Variants in RNF43 observed in about 807,000 individuals in gnomAD.
RNF43 encodes ring finger protein 43.
In RNF43, 37 loss-of-function variants were observed where a neutral mutation model predicts 78.4. That is an observed-to-expected ratio of 0.47 (90% CI 0.36 to 0.62). The LOEUF (loss-of-function observed/expected upper bound fraction) is 0.62, where lower values mean the gene tolerates loss of function less well. Ranked by LOEUF, RNF43 falls within the 20% of genes least tolerant of loss-of-function variation. The pLI, the probability that RNF43 is intolerant of heterozygous loss-of-function variation, is 0.00. For synonymous variants in RNF43, 347 were observed against 395.0 expected, an observed-to-expected ratio of 0.88 and a Z score of 1.44; for missense variants, 774 against 1,007.9, an observed-to-expected ratio of 0.77 and a Z score of 3.14.
intron 1 of RNF43, 152 bp downstream of exon 1, chr17:58,416,865 G>A (rs1353070212): frequency 6.6e-6 from 1 of 152,166 alleles, no homozygotes; most frequent in Non-Finnish European, 1.5e-5. Context: ...AAAGCCCTCT[G>A]TGTTCCAAGG....
In RNF43 at chr17:58,358,575, C is replaced by G. The variant is rs990372544; in HGVS notation, c.1201G>C (p.Glu401Gln). 3.1e-6 allele frequency: 5 copies of G among 1,600,592 alleles called. No homozygotes were observed. In the South Asian group the frequency reaches 4.5e-5, roughly 14 times the overall value. ...TGGGCTCCTGCCAGGCGCTGCTGCT[C>G]TCCTGGAGCCCGGGGATGTGCAGCT... Reference protein sequence around the residue: ...PRAAHPRAPGEQQRLAGAQHP... With the variant: ...PRAAHPRAPGQQQRLAGAQHP... The change falls in exon 9 of 10, where the codon GAG becomes CAG. Residue 401 changes from glutamate (E) to glutamine (Q), a missense_variant. Glu to Gln is a conservative substitution (Grantham distance 29). Transcript: ENST00000407977. The surrounding 1 kb of genome is among the most constrained non-coding windows in gnomAD (Gnocchi z 6.2).
chr17:58,389,077 G>C (rs1973493616), intron 2 of RNF43, among the ~76,000 whole-genome samples: 2 of 152,172 alleles, frequency 1.3e-5, no homozygotes, highest in Non-Finnish European at 2.9e-5. Context: ...TGTAAGCAGA[G>C]CAATTTAATA....
chr17:58,415,027 A>C (rs1974094783), intron 2 of RNF43, among the ~76,000 whole-genome samples: 1 of 152,184 alleles, frequency 6.6e-6, no homozygotes, highest in Admixed American at 6.5e-5. Flanking sequence ...ATCTATCAAA[A>C]ATTAGTGCCC....
intron 5 of RNF43, 25 bp from the exon 6 acceptor site, chr17:58,362,673 G>C (rs1227024969): frequency 6.4e-7 from 1 of 1,567,748 alleles, no homozygotes; most frequent in Non-Finnish European, 8.7e-7. Context: ...GAGAGGGAAA[G>C]GGTCATACTT....
chr17:58,375,201 G>A (rs1369139646), intron 2 of RNF43, among the ~76,000 whole-genome samples: 2 of 152,104 alleles, frequency 1.3e-5, no homozygotes, highest in Non-Finnish European at 2.9e-5. Context: ...CAGCCAAAGT[G>A]GTCTAAAATG....
chr17:58,374,218 TA>T (rs796300203), intron 2 of RNF43, among the ~76,000 whole-genome samples: 2 of 151,916 alleles, frequency 1.3e-5, no homozygotes, highest in East Asian at 1.9e-4. Flanking sequence ...AGTAGTAGGA[TA>T]AGGTTAAAAA....
At chr17:58,391,203 G>A (rs1882474836) in intron 2 of RNF43, among the ~76,000 whole-genome samples, 1 of 152,202 alleles carries the variant, frequency 6.6e-6, no homozygotes, top group Non-Finnish European at 1.5e-5. Flanking sequence ...AATAAAAAGG[G>A]TGAGGGATGA....
chr17:58,354,077 T>C lies in RNF43; in HGVS notation c.*866A>G, dbSNP rs1287727861. On this transcript the variant is annotated 3_prime_UTR_variant, in exon 10 of 10. Coordinates refer to ENST00000407977, the MANE Select transcript of RNF43 (RefSeq NM_017763.6). ...TTGCTTTTCCTTTGTTGTCCCCATT[T>C]TCCATCCTTGCTCTAAGACAAAACT... The C allele has an allele frequency of 1.0e-5, 2 of 195,224 alleles. No homozygotes were observed. Among genetic ancestry groups the C allele is most frequent in the African/African-American group, 2.3e-5 (1 of 43,210 alleles). The allele number at this position is 195,224 out of a possible 1,614,324, so 12.1% of individuals were successfully genotyped here. A position where few individuals can be genotyped will look rare whatever the true frequency, so the allele number is the denominator to read the frequency against.
At chr17:58,406,755 CTT>C (rs1213791214) in intron 2 of RNF43, among the ~76,000 whole-genome samples, 1 of 144,102 alleles carries the variant, frequency 6.9e-6, no homozygotes, top group Non-Finnish European at 1.5e-5. Context: ...GAAATCTATA[CTT>C]TTTTTTTTTT....
rs780871113 is a variant in RNF43, at chr17:58,375,177, C to T, written c.253-4144G>A. On this transcript the variant is annotated intron_variant, in intron 2 of 9. Transcript: ENST00000407977. ...CTCCCTAGGGTCACTTCATCCCATTCGTTCTCTATATTGCAGCCAAAGTGG... is the reference window on the plus strand; with the variant it reads ...CTCCCTAGGGTCACTTCATCCCATTTGTTCTCTATATTGCAGCCAAAGTGG... Among the ~76,000 whole-genome samples, 19 of 152,176 alleles carry T rather than the reference C, an allele frequency of 1.2e-4. 1 individual carries two copies. The highest frequency in any genetic ancestry group is 2.5e-4 in the Non-Finnish European group (17 of 68,030).
At chr17:58,359,472 CGG>C in intron 8 of RNF43, among the ~76,000 whole-genome samples, 1 of 151,480 alleles carries the variant, frequency 6.6e-6, no homozygotes, top group East Asian at 1.9e-4. Flanking sequence ...GGCATGGTGG[CGG>C]GCGCCTATAG....
Position 58,354,747 on chromosome 17 carries a change from A to C in RNF43, c.*196T>G, listed in dbSNP as rs1972648007. 6.6e-6 allele frequency: 4 copies of C among 605,876 alleles called. No individual in the cohort carries two copies. Among genetic ancestry groups the C allele is most frequent in the Non-Finnish European group, 1.2e-5 (4 of 333,502 alleles). 37.5% of individuals were successfully genotyped at this position (605,876 alleles called of 1,614,324 possible). A position where few individuals can be genotyped will look rare whatever the true frequency, so the allele number is the denominator to read the frequency against. On this transcript the variant is annotated 3_prime_UTR_variant, in exon 10 of 10. Coordinates refer to ENST00000407977, the MANE Select transcript of RNF43 (RefSeq NM_017763.6). ...GCACTGCAGATGTTTTCTGCAGACAAGGTCTGGAGCTGGAGCAGGAAACGG... is the reference window on the plus strand; with the variant it reads ...GCACTGCAGATGTTTTCTGCAGACACGGTCTGGAGCTGGAGCAGGAAACGG...
At chr17:58,362,517 C>A (rs757590268) in intron 6 of RNF43, 27 bp downstream of exon 6, 1 of 1,565,302 alleles carries the variant, frequency 6.4e-7, no homozygotes, top group Non-Finnish European at 8.7e-7. Context: ...ACACGTTCAC[C>A]GCCGCCAAAG....
At chr17:58,396,309 A>AT (rs1287758156) in intron 2 of RNF43, among the ~76,000 whole-genome samples, 1 of 152,212 alleles carries the variant, frequency 6.6e-6, no homozygotes, top group Non-Finnish European at 1.5e-5. Flanking sequence ...CACCATGTAG[A>AT]TTAAAATTCT....
At chr17:58,398,093 A>G (rs1973722676) in intron 2 of RNF43, among the ~76,000 whole-genome samples, 1 of 152,154 alleles carries the variant, frequency 6.6e-6, no homozygotes, top group African/African-American at 2.4e-5. Context: ...ACTTGGCTCA[A>G]ATAAGCTCTC....
intron 9 of RNF43, among the ~76,000 whole-genome samples, chr17:58,355,476 G>A (rs1256083088): frequency 6.6e-6 from 1 of 152,206 alleles, no homozygotes; most frequent in Non-Finnish European, 1.5e-5. Flanking sequence ...GATTCTGTAG[G>A]AATAGGTAAG....
At chr17:58,381,080 C>T (rs968707637) in intron 2 of RNF43, among the ~76,000 whole-genome samples, 3 of 152,214 alleles carry the variant, frequency 2.0e-5, no homozygotes, top group Admixed American at 6.5e-5. Context: ...ATTGTATTTA[C>T]ATTGCAAAGT....
chr17:58,388,160 G>A (rs1200772060), intron 2 of RNF43, among the ~76,000 whole-genome samples: 1 of 152,152 alleles, frequency 6.6e-6, no homozygotes, highest in Non-Finnish European at 1.5e-5. Context: ...CCATACTTTT[G>A]TTTTTAGGCA....
chr17:58,405,758 G>GAA (rs1276802910), intron 2 of RNF43, among the ~76,000 whole-genome samples: 14 of 147,278 alleles, frequency 9.5e-5, no homozygotes, highest in Non-Finnish European at 1.5e-5. Flanking sequence ...AAGAAAGAAA[G>GAA]AAAGAAAAAG....
Sources: allele counts gnomAD v4.1 joint callset (sites outside exome capture counted in the v4.1 genomes callset), GRCh38; gene constraint gnomAD v4.1.1; non-coding constraint Gnocchi (gnomAD v3.1); transcripts MANE v1.5; gene names NCBI Gene and HGNC (gene_info 2026-07-23, HGNC 2026-07-21).